Variants in CA10 observed in about 807,000 individuals in gnomAD.
CA10 encodes carbonic anhydrase 10 (inactive).
Under a neutral mutation model 44.2 loss-of-function variants are expected in CA10, and 14 were observed. That is an observed-to-expected ratio of 0.32 (90% CI 0.21 to 0.50). The LOEUF is 0.50. Among genes scored for constraint, CA10 ranks in the 20% least tolerant of loss-of-function variants. The pLI, the probability that CA10 is intolerant of heterozygous loss-of-function variation, is 0.99. For missense variants in CA10, 350 were observed against 409.7 expected (o/e 0.85, Z 1.26); for synonymous variants, 159 against 141.6 (o/e 1.12, Z -0.87).
chr17:52,015,192 T>C (rs1030124824), intron 2 of CA10, among the ~76,000 whole-genome samples: 2 of 152,026 alleles, frequency 1.3e-5, no homozygotes, highest in African/African-American at 2.4e-5. Flanking sequence ...TATATAGACG[T>C]ATAATGACAC....
chr17:51,795,320 C>T (rs1906665279), intron 3 of CA10, among the ~76,000 whole-genome samples: 2 of 152,244 alleles, frequency 1.3e-5, no homozygotes, highest in Admixed American at 1.3e-4. Context: ...GCAGCAAGGC[C>T]CCAGGAACTG....
intron 2 of CA10, among the ~76,000 whole-genome samples, chr17:52,059,463 C>T (rs1477283725): frequency 6.6e-6 from 1 of 152,012 alleles, no homozygotes; most frequent in Non-Finnish European, 1.5e-5. Context: ...AGGAGGAAGA[C>T]AATTGATAAC....
At chr17:52,117,873 A>C (rs1413483489) in intron 1 of CA10, among the ~76,000 whole-genome samples, 2 of 152,254 alleles carry the variant, frequency 1.3e-5, no homozygotes, top group African/African-American at 2.4e-5. Context: ...TAAAGGTTTA[A>C]ACACATTGTG....
intron 2 of CA10, among the ~76,000 whole-genome samples, chr17:52,050,702 C>T (rs1032380180): frequency 2.0e-5 from 3 of 152,040 alleles, no homozygotes; most frequent in African/African-American, 7.2e-5. Context: ...CACCTTGTTG[C>T]AACTTTCTAA....
intron 4 of CA10, among the ~76,000 whole-genome samples, chr17:51,665,776 C>A (rs1427595091): frequency 6.6e-6 from 1 of 152,220 alleles, no homozygotes; most frequent in Non-Finnish European, 1.5e-5. Context: ...ATATTGTAGT[C>A]TTAGGGGACC....
At chr17:51,761,066 C>T (rs890252074) in intron 3 of CA10, among the ~76,000 whole-genome samples, 5 of 152,254 alleles carry the variant, frequency 3.3e-5, no homozygotes, top group African/African-American at 4.8e-5. Flanking sequence ...GTCTTCCTTC[C>T]CAAGCTGCCC....
chr17:51,797,779 A>G (rs1333325219), intron 3 of CA10, among the ~76,000 whole-genome samples: 1 of 137,828 alleles, frequency 7.3e-6, no homozygotes, highest in Non-Finnish European at 1.5e-5. Context: ...TGAACCTAGG[A>G]GGCAGAGGTT....
chr17:52,103,487 T>G (rs1243331302), intron 1 of CA10, among the ~76,000 whole-genome samples: 1 of 152,222 alleles, frequency 6.6e-6, no homozygotes, highest in East Asian at 1.9e-4. Context: ...TCAATCTTGC[T>G]GAAGAGTGAG....
At chr17:51,876,891 G>A (rs928600530) in intron 3 of CA10, among the ~76,000 whole-genome samples, 1 of 152,146 alleles carries the variant, frequency 6.6e-6, no homozygotes, top group South Asian at 2.1e-4. Context: ...CTTGATATTA[G>A]CAGGTTTCTT....
At chr17:52,030,373 A>G (rs577996015) in intron 2 of CA10, among the ~76,000 whole-genome samples, 125 of 152,222 alleles carry the variant, frequency 8.2e-4, no homozygotes, top group Non-Finnish European at 1.6e-3. Context: ...GTGTGTAACC[A>G]GAAGCAGCAC....
chr17:52,050,764 A>G (rs16950939), intron 2 of CA10, among the ~76,000 whole-genome samples: 18,440 of 151,858 alleles, frequency 0.12, 1,491 homozygotes, highest in East Asian at 0.21. Context: ...CTCCCTTCAA[A>G]TGACATCTTC....
At chr17:51,822,145 C>A (rs1056552326) in intron 3 of CA10, among the ~76,000 whole-genome samples, 11 of 152,112 alleles carry the variant, frequency 7.2e-5, no homozygotes, top group Non-Finnish European at 1.6e-4. Context: ...CATCCTTGGC[C>A]AGGTGTGGTG....
chr17:51,952,123 G>C (rs969483705), intron 2 of CA10, among the ~76,000 whole-genome samples: 1 of 152,132 alleles, frequency 6.6e-6, no homozygotes, highest in African/African-American at 2.4e-5. Context: ...TGCATGAATA[G>C]GTAAGTGCAA....
At chr17:51,692,657 G>C (rs1357198726) in intron 4 of CA10, among the ~76,000 whole-genome samples, 1 of 152,118 alleles carries the variant, frequency 6.6e-6, no homozygotes, top group Admixed American at 6.5e-5. Flanking sequence ...GTATTTCATT[G>C]TGTAGATGCA....
chr17:51,794,562 A>C (rs1906638829), intron 3 of CA10, among the ~76,000 whole-genome samples: 1 of 152,242 alleles, frequency 6.6e-6, no homozygotes. Flanking sequence ...TATTTACTAA[A>C]TAACACCAAA....
intron 2 of CA10, among the ~76,000 whole-genome samples, chr17:51,951,750 A>C (rs1983492205): frequency 6.6e-6 from 1 of 152,140 alleles, no homozygotes; most frequent in African/African-American, 2.4e-5. Flanking sequence ...CTGCAGATGT[A>C]CTCTAAGAGT....
intron 3 of CA10, among the ~76,000 whole-genome samples, chr17:51,831,208 G>C (rs928518222): frequency 6.6e-6 from 1 of 152,224 alleles, no homozygotes; most frequent in African/African-American, 2.4e-5. Context: ...CCATGGCATG[G>C]TTGGACATTG....
chr17:52,062,973 A>G lies in CA10; in HGVS notation c.136+9346T>C, dbSNP rs377283607. On this transcript the variant is annotated intron_variant, in intron 2 of 8. Coordinates refer to ENST00000451037, the MANE Select transcript of CA10 (RefSeq NM_020178.5). Reference sequence around the variant, plus strand: ...TTAGATTCCAAACTGTAAAAGCAGCAATGTGGGCTGCACCCAGAAAAACTG... The same window carrying G: ...TTAGATTCCAAACTGTAAAAGCAGCGATGTGGGCTGCACCCAGAAAAACTG... 2.6e-5 allele frequency among the ~76,000 whole-genome samples: 4 copies of G among 152,366 alleles called. No homozygotes were observed. In the East Asian group the frequency reaches 7.7e-4, roughly 29 times the overall value.
chr17:51,843,514 T>A (rs1978367230), intron 3 of CA10, among the ~76,000 whole-genome samples: 1 of 152,170 alleles, frequency 6.6e-6, no homozygotes, highest in Admixed American at 6.5e-5. Context: ...GGTTGATTTT[T>A]TTTCCCCCAC....
Sources: allele counts gnomAD v4.1 joint callset (sites outside exome capture counted in the v4.1 genomes callset), GRCh38; gene constraint gnomAD v4.1.1; transcripts MANE v1.5; gene names NCBI Gene and HGNC (gene_info 2026-07-23, HGNC 2026-07-21).